The following JDP2 variants were observed in gnomAD, a reference collection of about 807,000 sequenced individuals.
JDP2 encodes the protein Jun dimerization protein 2, also known as progesterone receptor co-activator.
JDP2 carries 9 observed loss-of-function variants against 17.1 expected under a neutral mutation model. The ratio of observed to expected loss-of-function variants is 0.53; its 90% confidence interval spans 0.32 to 0.92. The LOEUF (loss-of-function observed/expected upper bound fraction) is 0.92. Ranked by LOEUF, JDP2 falls within the 40% of genes least tolerant of loss-of-function variation. The pLI, the probability that JDP2 is intolerant of heterozygous loss-of-function variation, is 0.04. For missense variants in JDP2, 179 were observed against 220.0 expected, an observed-to-expected ratio of 0.81 and a Z score of 1.18; for synonymous variants, 107 against 95.6, an observed-to-expected ratio of 1.12 and a Z score of -0.69.
chr14:75,437,841 G>A, intron 1 of JDP2, 57 bp from the exon 2 acceptor site: 3 of 1,245,804 alleles, frequency 2.4e-6, no homozygotes, highest in Non-Finnish European at 3.3e-6. Context: ...AGGGACTTGA[G>A]CCCTCCTGGA....
intron 1 of JDP2, chr14:75,432,170 G>A: frequency 1.4e-6 from 1 of 702,838 alleles, no homozygotes; most frequent in African/African-American, 1.8e-5. Context: ...TTCACTCTCA[G>A]TCTTGGGGCC....
intron 2 of JDP2, among the ~76,000 whole-genome samples, chr14:75,456,908 C>T (rs577712998): frequency 2.6e-5 from 4 of 152,306 alleles, no homozygotes; most frequent in South Asian, 2.1e-4. Context: ...CACGAGGGCC[C>T]TCTTGGTCCT....
upstream of JDP2, chr14:75,427,228 T>G (rs1475510213): frequency 6.6e-6 from 1 of 151,834 alleles, no homozygotes; most frequent in African/African-American, 2.4e-5. This position sits in a 1 kb window ranked among gnomAD's most constrained non-coding sequence, Gnocchi z 4.4. Flanking sequence ...GTGTCCGGAG[T>G]GGAAAGGAGA....
At chr14:75,463,635 G>C (rs1018717986) in intron 3 of JDP2, among the ~76,000 whole-genome samples, 23 of 152,288 alleles carry the variant, frequency 1.5e-4, no homozygotes, top group African/African-American at 5.1e-4. Flanking sequence ...GAGGCCCTAG[G>C]GGGTTATGAG....
At chr14:75,442,822 G>T (rs1885415480) in intron 2 of JDP2, among the ~76,000 whole-genome samples, 1 of 152,146 alleles carries the variant, frequency 6.6e-6, no homozygotes, top group South Asian at 2.1e-4. Context: ...AGATGACTCA[G>T]CTACTTTTGG....
chr14:75,443,045 G>A (rs1885426736), intron 2 of JDP2, among the ~76,000 whole-genome samples: 1 of 152,140 alleles, frequency 6.6e-6, no homozygotes, highest in Non-Finnish European at 1.5e-5. Flanking sequence ...AACTGTCTGT[G>A]GATTTCACAT....
chr14:75,437,805 A>G, intron 1 of JDP2, 93 bp from the exon 2 acceptor site: 3 of 824,528 alleles, frequency 3.6e-6, no homozygotes, highest in Non-Finnish European at 5.5e-6. Context: ...AACATTGGTG[A>G]AAGAAGCCAC....
At chr14:75,443,719 G>T (rs1220133064) in intron 2 of JDP2, among the ~76,000 whole-genome samples, 1 of 152,152 alleles carries the variant, frequency 6.6e-6, no homozygotes, top group Non-Finnish European at 1.5e-5. Flanking sequence ...TCAGAAGTCG[G>T]TCACACCCAC....
intron 2 of JDP2, among the ~76,000 whole-genome samples, chr14:75,442,946 C>T (rs576915912): frequency 4.6e-5 from 7 of 152,114 alleles, no homozygotes; most frequent in Non-Finnish European, 1.0e-4. Context: ...TGTGGACTGC[C>T]CTTTCCAACG....
intron 1 of JDP2, among the ~76,000 whole-genome samples, chr14:75,429,956 A>C (rs1884721853): frequency 6.6e-6 from 1 of 151,512 alleles, no homozygotes; most frequent in Non-Finnish European, 1.5e-5. Flanking sequence ...GGGTGTGTAG[A>C]CCTCTGGCTT....
In JDP2 at chr14:75,469,479, T is replaced by G; in HGVS notation, c.*4T>G. 2 of 1,609,704 alleles carry G rather than the reference T, an allele frequency of 1.2e-6. No homozygotes were observed. The highest frequency in any genetic ancestry group is 1.7e-6 in the Non-Finnish European group (2 of 1,177,712). ...CGAGCAGCTCGAGAAGAAGTGACCATGGGCTGGGAGGAGGTGGAGGAGGAG... is the reference window on the plus strand; with the variant it reads ...CGAGCAGCTCGAGAAGAAGTGACCAGGGGCTGGGAGGAGGTGGAGGAGGAG... On this transcript the variant is annotated 3_prime_UTR_variant, in exon 4 of 4. Transcript: ENST00000651602.
Position 75,445,217 on chromosome 14 carries a change from A to G in JDP2, c.201+7096A>G, listed in dbSNP as rs1029579099. On this transcript the variant is annotated intron_variant, in intron 2 of 3. Coordinates refer to ENST00000651602, the MANE Select transcript of JDP2 (RefSeq NM_001135048.2). ...TACTGTGCCCAAAAGGCACAAGGCAACCTGGCCTGAGGTTGGAGCATGGAG... is the reference window on the plus strand; with the variant it reads ...TACTGTGCCCAAAAGGCACAAGGCAGCCTGGCCTGAGGTTGGAGCATGGAG... 55 of 985,304 alleles carry G rather than the reference A, an allele frequency of 5.6e-5. No homozygotes were observed. In the African/African-American group the frequency reaches 8.7e-4, roughly 16 times the overall value. The allele number at this position is 985,304 out of a possible 1,614,324, so 61.0% of individuals were successfully genotyped here.
chr14:75,432,846 C>T (rs1260384161), intron 1 of JDP2, among the ~76,000 whole-genome samples: 2 of 152,120 alleles, frequency 1.3e-5, no homozygotes, highest in Admixed American at 6.5e-5. Flanking sequence ...CTAGCAAGAA[C>T]GGCCCTTGTA....
chr14:75,445,196 G>C (rs1192500674), intron 2 of JDP2: 1 of 985,200 alleles, frequency 1.0e-6, no homozygotes, highest in Non-Finnish European at 1.2e-6. Flanking sequence ...TCCTTCTACT[G>C]TGCCCAAAAG....
At chr14:75,429,750 T>A (rs1884710084) in intron 1 of JDP2, among the ~76,000 whole-genome samples, 1 of 152,010 alleles carries the variant, frequency 6.6e-6, no homozygotes, top group African/African-American at 2.4e-5. Flanking sequence ...GTGGTTAAGG[T>A]TTTGCCTTGT....
At chr14:75,467,251 G>A (rs1269912287) in intron 3 of JDP2, among the ~76,000 whole-genome samples, 4 of 152,144 alleles carry the variant, frequency 2.6e-5, no homozygotes, top group African/African-American at 9.7e-5. Context: ...TTCACTCAGG[G>A]TTCTCCACCC....
chr14:75,454,670 A>G (rs1886021467), intron 2 of JDP2, among the ~76,000 whole-genome samples: 1 of 152,180 alleles, frequency 6.6e-6, no homozygotes, highest in Non-Finnish European at 1.5e-5. Context: ...TGAAGGAAAT[A>G]CACAGGGAGA....
At chr14:75,457,645 T>C (rs895305946) in intron 2 of JDP2, among the ~76,000 whole-genome samples, 4 of 152,212 alleles carry the variant, frequency 2.6e-5, no homozygotes, top group African/African-American at 9.6e-5. Flanking sequence ...GGGGCTGGGC[T>C]TGGAAGCTGG....
chr14:75,429,528 C>T (rs538869177), intron 1 of JDP2, among the ~76,000 whole-genome samples: 1 of 152,244 alleles, frequency 6.6e-6, no homozygotes, highest in African/African-American at 2.4e-5. Context: ...ATCTCCCTTC[C>T]CCCCAACCTT....
Sources: gnomAD v4.1 joint callset for allele counts (sites outside exome capture counted in the v4.1 genomes callset) on GRCh38, gnomAD v4.1.1 for gene constraint, Gnocchi (gnomAD v3.1) non-coding constraint, MANE v1.5 for transcripts, NCBI Gene and HGNC (gene_info 2026-07-23, HGNC 2026-07-21) for gene names.